Variants in SNX29 observed in about 807,000 individuals in gnomAD.
SNX29 encodes the protein sorting nexin 29, also known as sorting nexin-29.
SNX29 carries 78 observed loss-of-function variants against 102.1 expected under a neutral mutation model. The observed-to-expected ratio is 0.76, with a 90% confidence interval of 0.64 to 0.92. SNX29 has a LOEUF of 0.92. Among genes scored for constraint, SNX29 ranks in the 40% least tolerant of loss-of-function variants. SNX29 has a pLI of 0.00. For synonymous variants in SNX29, 580 were observed against 414.5 expected, an observed-to-expected ratio of 1.40 and a Z score of -4.85; for missense variants, 1,280 against 1,061.7, an observed-to-expected ratio of 1.21 and a Z score of -2.86.
intron 15 of SNX29, among the ~76,000 whole-genome samples, chr16:12,304,150 T>C (rs2080265691): frequency 2.0e-5 from 3 of 152,182 alleles, no homozygotes; most frequent in African/African-American, 7.2e-5. Context: ...GTCAGATCTT[T>C]TGGAGGCTGT....
At position 12,251,791 on chromosome 16, in the gene SNX29, G is replaced by A. The variant is rs576535075; in HGVS notation, c.1679-26142G>A. On this transcript the variant is annotated intron_variant, in intron 14 of 20. Coordinates refer to ENST00000566228, the MANE Select transcript of SNX29 (RefSeq NM_032167.5). ...TTTTTTTCTTTAGAGACAGTGTCTT[G>A]CTCTGTCACCCAGGCTGGAGTGTGG... Among the ~76,000 whole-genome samples, 30 of 151,674 alleles carry A rather than the reference G, an allele frequency of 2.0e-4. No homozygotes were observed. The South Asian group carries it at 2.1e-3, about 11-fold the overall frequency.
chr16:12,268,413 G>T (rs547366745), intron 14 of SNX29, among the ~76,000 whole-genome samples: 4 of 152,160 alleles, frequency 2.6e-5, no homozygotes, highest in Non-Finnish European at 5.9e-5. Context: ...TGACTCCCAG[G>T]GTCTGTTTCA....
intron 20 of SNX29, among the ~76,000 whole-genome samples, chr16:12,563,682 G>T (rs761955239): frequency 6.6e-6 from 1 of 152,162 alleles, no homozygotes; most frequent in African/African-American, 2.4e-5. Context: ...GCCCATGATG[G>T]GGTCTGGCCT....
intron 14 of SNX29, among the ~76,000 whole-genome samples, chr16:12,209,499 C>A (rs4781195): frequency 0.096 from 14,679 of 152,186 alleles, 830 homozygotes; most frequent in East Asian, 0.27. Flanking sequence ...TTTGAATGTT[C>A]AAGAGTTTGA....
intron 14 of SNX29, among the ~76,000 whole-genome samples, chr16:12,217,011 A>G (rs537470416): frequency 2.6e-5 from 4 of 152,282 alleles, no homozygotes; most frequent in Non-Finnish European, 5.9e-5. Context: ...AATGGGTATT[A>G]GGGGACACCT....
chr16:12,263,098 T>C (rs1177974691), intron 14 of SNX29, among the ~76,000 whole-genome samples: 1 of 152,088 alleles, frequency 6.6e-6, no homozygotes, highest in East Asian at 1.9e-4. Flanking sequence ...ATTGTTATTA[T>C]TGTCATGTCC....
chr16:12,496,872 G>T (rs1023995387), intron 19 of SNX29, among the ~76,000 whole-genome samples: 1 of 152,156 alleles, frequency 6.6e-6, no homozygotes, highest in Non-Finnish European at 1.5e-5. Context: ...GACAAGGGAA[G>T]AGCGTTTCAG....
intron 19 of SNX29, among the ~76,000 whole-genome samples, chr16:12,482,878 G>A (rs1266691974): frequency 6.6e-6 from 1 of 152,090 alleles, no homozygotes. Context: ...TGTATAGTGT[G>A]TGGACCCAGC....
intron 2 of SNX29, among the ~76,000 whole-genome samples, chr16:12,001,835 T>C (rs2056298823): frequency 6.6e-6 from 1 of 151,718 alleles, no homozygotes; most frequent in African/African-American, 2.4e-5. Flanking sequence ...CTGGGCAACA[T>C]AGTGAGACCC....
rs1035386531 is a variant in SNX29 at position 12,307,004 on chromosome 16, C to A, written c.1782+28968C>A. Reference sequence around the variant, plus strand: ...GAAGTAGAGTCATCCTTTGGAGGGACCCGGAGTAGATGCTTAGTATGGGCC... The same window carrying A: ...GAAGTAGAGTCATCCTTTGGAGGGAACCGGAGTAGATGCTTAGTATGGGCC... On this transcript the variant is annotated intron_variant, in intron 15 of 20. Transcript: ENST00000566228. 2.0e-5 allele frequency among the ~76,000 whole-genome samples: 3 copies of A among 152,134 alleles called. No individual in the cohort carries two copies. The East Asian group carries it at 5.8e-4, about 29-fold the overall frequency.
intron 18 of SNX29, among the ~76,000 whole-genome samples, chr16:12,446,764 A>G (rs1194233937): frequency 6.6e-6 from 1 of 152,222 alleles, no homozygotes; most frequent in African/African-American, 2.4e-5. Flanking sequence ...AATCGGCTCC[A>G]GTATGTACTA....
At position 12,572,092 on chromosome 16, in the gene SNX29, G is replaced by T. The variant is rs993944267; in HGVS notation, c.*3463G>T. ...AAGATCTAGGAAGAGGAAGGGGAGGGATGTGGACTGGGTCTGATCACAGCC... is the reference window on the plus strand; with the variant it reads ...AAGATCTAGGAAGAGGAAGGGGAGGTATGTGGACTGGGTCTGATCACAGCC... On this transcript the variant is annotated 3_prime_UTR_variant, in exon 21 of 21. Transcript: ENST00000566228. The T allele has an allele frequency of 1.0e-4, 103 of 1,009,382 alleles. No homozygotes were observed. The highest frequency in any genetic ancestry group is 3.8e-4 in the South Asian group (8 of 20,796). The allele number at this position is 1,009,382 out of a possible 1,614,324, so 62.5% of individuals were successfully genotyped here.
At chr16:12,006,383 C>A (rs1023276345) in intron 3 of SNX29, among the ~76,000 whole-genome samples, 4 of 151,486 alleles carry the variant, frequency 2.6e-5, no homozygotes, top group African/African-American at 9.7e-5. Context: ...GGCATGGTGG[C>A]ACATGCCTGT....
At chr16:12,340,937 A>G (rs1363200973) in intron 15 of SNX29, among the ~76,000 whole-genome samples, 1 of 151,968 alleles carries the variant, frequency 6.6e-6, no homozygotes, top group Non-Finnish European at 1.5e-5. Flanking sequence ...TCTTTCCTCT[A>G]TTTACTTCAC....
At chr16:12,442,612 T>G (rs1220795951) in intron 18 of SNX29, among the ~76,000 whole-genome samples, 2 of 150,230 alleles carry the variant, frequency 1.3e-5, no homozygotes. Context: ...TGATATAGGG[T>G]CTCAGGCTGT....
chr16:12,203,952 C>A (rs2076981724), intron 14 of SNX29, among the ~76,000 whole-genome samples: 1 of 152,184 alleles, frequency 6.6e-6, no homozygotes, highest in African/African-American at 2.4e-5. Flanking sequence ...CCCTCACTGT[C>A]AGTCCTGTGA....
At chr16:12,090,561 C>A (rs975508844) in intron 11 of SNX29, among the ~76,000 whole-genome samples, 1 of 152,156 alleles carries the variant, frequency 6.6e-6, no homozygotes, top group African/African-American at 2.4e-5. Flanking sequence ...AGCTCCAAAC[C>A]CTAGTCCCGG....
chr16:12,547,658 A>G (rs8062234), intron 20 of SNX29, among the ~76,000 whole-genome samples: 40,563 of 151,840 alleles, frequency 0.27, 6,350 homozygotes, highest in East Asian at 0.53. Context: ...TCCCACCCCA[A>G]GCACCATCTC....
chr16:12,490,067 A>T (rs2088466961), intron 19 of SNX29, among the ~76,000 whole-genome samples: 1 of 152,114 alleles, frequency 6.6e-6, no homozygotes, highest in Non-Finnish European at 1.5e-5. Flanking sequence ...CAGCCTCCCA[A>T]AGTGCTGGGA....
Sources: allele counts gnomAD v4.1 joint callset (sites outside exome capture counted in the v4.1 genomes callset), GRCh38; gene constraint gnomAD v4.1.1; transcripts MANE v1.5; gene names NCBI Gene and HGNC (gene_info 2026-07-23, HGNC 2026-07-21).